The following TENM3 variants were observed in gnomAD, a reference collection of about 807,000 sequenced individuals.
The protein encoded by TENM3 is teneurin-3.
In TENM3, 63 loss-of-function variants were observed where a neutral mutation model predicts 255.1. The observed-to-expected ratio is 0.25, with a 90% CI of 0.20 to 0.30. TENM3 has a LOEUF of 0.30. TENM3 is among the 10% of genes least tolerant of loss of function. The probability of loss-of-function intolerance (pLI) is 1.00; values close to 1 mark genes in which losing one functional copy is unlikely to be tolerated. For synonymous variants in TENM3, 1,306 were observed against 1,322.3 expected (o/e 0.99, Z 0.27); for missense variants, 2,929 against 3,461.1 (o/e 0.85, Z 3.86).
the TENM3 span, among the ~76,000 whole-genome samples, chr4:181,774,735 A>T: frequency 3.6e-5 from 2 of 55,050 alleles, no homozygotes; most frequent in Non-Finnish European, 6.9e-5. Flanking sequence ...GATATCTCAT[A>T]GTGGTTTTGA....
the TENM3 span, among the ~76,000 whole-genome samples, chr4:181,848,621 G>A: frequency 6.6e-6 from 1 of 151,936 alleles, no homozygotes; most frequent in African/African-American, 2.4e-5. Context: ...ACATCAAAAC[G>A]AATACTAAAG....
the TENM3 span, among the ~76,000 whole-genome samples, chr4:182,097,195 G>A: frequency 6.6e-6 from 1 of 152,034 alleles, no homozygotes; most frequent in Non-Finnish European, 1.5e-5. Context: ...TATGTTTTAT[G>A]TGTCTCTGTT....
intron 1 of TENM3, among the ~76,000 whole-genome samples, chr4:182,237,054 A>G (rs1756939530): frequency 2.6e-5 from 4 of 152,106 alleles, no homozygotes; most frequent in Admixed American, 2.6e-4. Flanking sequence ...CCTTGTGTCC[A>G]TGTGTTCTCA....
chr4:182,181,892 T>TG (rs1752862186), intron 1 of TENM3, among the ~76,000 whole-genome samples: 5 of 76,952 alleles, frequency 6.5e-5, no homozygotes, highest in East Asian at 7.3e-4. Flanking sequence ...TAATGTCCTG[T>TG]TTTTTTTTTT....
chr4:181,669,304 A>G, the TENM3 span, among the ~76,000 whole-genome samples: 2 of 152,126 alleles, frequency 1.3e-5, no homozygotes, highest in Non-Finnish European at 2.9e-5. Flanking sequence ...ATCCACCTTT[A>G]TTTGATGAAG....
intron 3 of TENM3, among the ~76,000 whole-genome samples, chr4:182,438,804 C>T (rs1274704792): frequency 6.6e-6 from 1 of 152,220 alleles, no homozygotes; most frequent in African/African-American, 2.4e-5. Flanking sequence ...CTAAAATACT[C>T]TAACTTCTTC....
At chr4:181,608,530 T>C in the TENM3 span, among the ~76,000 whole-genome samples, 3 of 151,688 alleles carry the variant, frequency 2.0e-5, no homozygotes, top group African/African-American at 7.3e-5. Context: ...ACAGAAGTTA[T>C]TGAGAACTAA....
the TENM3 span, among the ~76,000 whole-genome samples, chr4:181,517,032 T>C: frequency 6.6e-6 from 1 of 152,160 alleles, no homozygotes; most frequent in Non-Finnish European, 1.5e-5. Flanking sequence ...TCAGCCATTG[T>C]AATGCCCCCT....
intron 22 of TENM3, among the ~76,000 whole-genome samples, chr4:182,758,631 G>A (rs903282344): frequency 2.6e-5 from 4 of 152,088 alleles, no homozygotes; most frequent in African/African-American, 7.2e-5. Context: ...ATATTAGTAC[G>A]TGTCTGTAAT....
chr4:181,740,619 G>A, the TENM3 span, among the ~76,000 whole-genome samples: 1 of 151,486 alleles, frequency 6.6e-6, no homozygotes, highest in Non-Finnish European at 1.5e-5. Context: ...AAACAATAGA[G>A]ATCACTGCAA....
the TENM3 span, among the ~76,000 whole-genome samples, chr4:181,468,159 G>A: frequency 6.6e-6 from 1 of 151,440 alleles, no homozygotes; most frequent in Non-Finnish European, 1.5e-5. Flanking sequence ...TGGTGTGGTG[G>A]CGCATGCCTG....
intron 3 of TENM3, among the ~76,000 whole-genome samples, chr4:182,359,123 G>C (rs997407229): frequency 5.9e-5 from 9 of 151,928 alleles, no homozygotes; most frequent in African/African-American, 2.2e-4. Context: ...CGGTTTGCCG[G>C]TATTTTATTG....
chr4:181,513,897 A>G, the TENM3 span, among the ~76,000 whole-genome samples: 4 of 152,208 alleles, frequency 2.6e-5, no homozygotes, highest in Admixed American at 2.6e-4. Context: ...TTCACACCAC[A>G]GCATGAGACA....
the TENM3 span, among the ~76,000 whole-genome samples, chr4:181,910,588 T>TG: frequency 4.8e-5 from 3 of 62,102 alleles, no homozygotes; most frequent in East Asian, 6.0e-4. Flanking sequence ...ACATATGTAT[T>TG]TGTATATATA....
chr4:182,129,706 T>A, the TENM3 span, among the ~76,000 whole-genome samples: 1 of 152,204 alleles, frequency 6.6e-6, no homozygotes, highest in Non-Finnish European at 1.5e-5. Context: ...TTAAAAGTTT[T>A]CCATCTTACA....
intron 1 of TENM3, among the ~76,000 whole-genome samples, chr4:182,150,325 T>C (rs1750253605): frequency 6.6e-6 from 1 of 152,016 alleles, no homozygotes; most frequent in Admixed American, 6.6e-5. Flanking sequence ...ATTTTCTGTA[T>C]GTAGCAGGGT....
chr4:181,734,855 C>T, the TENM3 span, among the ~76,000 whole-genome samples: 2 of 151,948 alleles, frequency 1.3e-5, no homozygotes, highest in African/African-American at 4.8e-5. Flanking sequence ...ATGGGAATGT[C>T]AAAGAAATGG....
intron 1 of TENM3, among the ~76,000 whole-genome samples, chr4:182,168,508 C>T (rs1751871307): frequency 6.6e-6 from 1 of 152,152 alleles, no homozygotes; most frequent in African/African-American, 2.4e-5. Context: ...CTTTTTCACC[C>T]AGGCTTTGTG....
chr4:181,998,173 C>G, the TENM3 span, among the ~76,000 whole-genome samples: 1 of 152,054 alleles, frequency 6.6e-6, no homozygotes, highest in African/African-American at 2.4e-5. Flanking sequence ...ATTTATGACC[C>G]TTTTTAAAAT....
Sources: allele counts gnomAD v4.1 joint callset (sites outside exome capture counted in the v4.1 genomes callset), GRCh38; gene constraint gnomAD v4.1.1; transcripts MANE v1.5; gene names NCBI Gene and HGNC (gene_info 2026-07-23, HGNC 2026-07-21).